The following PLXNC1 variants were observed in gnomAD, a reference collection of about 807,000 sequenced individuals.
PLXNC1 encodes plexin C1.
A neutral mutation model predicts 178.2 loss-of-function variants in PLXNC1; 75 were observed. That is an observed-to-expected ratio of 0.42 (90% confidence interval 0.35 to 0.51). The LOEUF is 0.51. Ranked by LOEUF, PLXNC1 falls within the 20% of genes least tolerant of loss-of-function variation. PLXNC1 has a pLI of 0.02. For missense variants in PLXNC1, 1,503 were observed against 1,984.4 expected (o/e 0.76, Z 4.61); for synonymous variants, 790 against 779.9 (o/e 1.01, Z -0.22).
At chr12:94,180,553 A>G (rs1962268267) in intron 2 of PLXNC1, among the ~76,000 whole-genome samples, 2 of 152,230 alleles carry the variant, frequency 1.3e-5, no homozygotes, top group South Asian at 4.1e-4. Flanking sequence ...CACCCAGAAC[A>G]GTGCTGGGTA....
At chr12:94,245,452 G>A (rs1034995097) in intron 12 of PLXNC1, among the ~76,000 whole-genome samples, 6 of 152,198 alleles carry the variant, frequency 3.9e-5, no homozygotes, top group East Asian at 1.9e-4. Flanking sequence ...AGGCCAAGGC[G>A]GGAAGACTGC....
intron 23 of PLXNC1, among the ~76,000 whole-genome samples, chr12:94,287,034 A>G (rs919974915): frequency 2.0e-5 from 3 of 152,216 alleles, no homozygotes; most frequent in African/African-American, 7.2e-5. Flanking sequence ...GCTTTCCATG[A>G]CAATAACCAT....
At position 94,178,565 on chromosome 12, in the gene PLXNC1, G is replaced by A. The variant is rs545692617; in HGVS notation, c.1204-2881G>A. 3.3e-5 allele frequency among the ~76,000 whole-genome samples: 5 copies of A among 152,266 alleles called. No individual in the cohort carries two copies. The East Asian group carries it at 9.6e-4, about 29-fold the overall frequency. On this transcript the variant is annotated intron_variant, in intron 2 of 30. Coordinates refer to ENST00000258526, the MANE Select transcript of PLXNC1 (RefSeq NM_005761.3). ...TAATACAGCTAATGAATTAGAGACG[G>A]CAAATCCTGGCAAGCCCATACCTTG...
rs1247671846 is a variant in PLXNC1 at position 94,260,600 on chromosome 12, A to G, written c.3252-42A>G. 1 of 1,470,888 alleles carries G rather than the reference A, an allele frequency of 6.8e-7. No individual in the cohort carries two copies. The highest frequency in any genetic ancestry group is 1.4e-5 in the African/African-American group (1 of 71,690). The allele number at this position is 1,470,888 out of a possible 1,614,324, so 91.1% of individuals were successfully genotyped here. A position where few individuals can be genotyped will look rare whatever the true frequency, so the allele number is the denominator to read the frequency against. On this transcript the variant is annotated intron_variant, in intron 19 of 30. Transcript: ENST00000258526. The surrounding 1 kb of genome is among the most constrained non-coding windows in gnomAD (Gnocchi z 4.4). ...TGGAAACTCCCATGGGTGTCCAGCT[A>G]GGCCTGCAGCCAATGGTTCACCCAG...
rs1229595299 is a variant in PLXNC1 at position 94,300,898 on chromosome 12, C to G, written c.4239-12C>G. On this transcript the variant is annotated splice_polypyrimidine_tract_variant and intron_variant, in intron 27 of 30. Transcript: ENST00000258526. ...GCCCTATTTGAAAAGAGATTATTCT[C>G]TCTTTGAACAGCCTTCCTCTTCGCT... The G allele has an allele frequency of 1.9e-6, 3 of 1,607,678 alleles. No individual in the cohort carries two copies. The African/African-American group carries it at 4.0e-5, about 22-fold the overall frequency.
At chr12:94,292,516 A>G (rs1009525216) in intron 23 of PLXNC1, among the ~76,000 whole-genome samples, 2 of 152,214 alleles carry the variant, frequency 1.3e-5, no homozygotes, top group Non-Finnish European at 2.9e-5. Context: ...CAAGCTTTTG[A>G]AAAAATGTCA....
intron 22 of PLXNC1, 175 bp downstream of exon 22, chr12:94,279,824 T>C (rs1239631310): frequency 1.1e-5 from 8 of 712,290 alleles, no homozygotes; most frequent in Admixed American, 8.0e-5. Context: ...TGGTCTCTCA[T>C]GGGCATCCTG....
In PLXNC1 at chr12:94,279,518, A is replaced by T. The variant is rs1966268846; in HGVS notation, c.3644A>T (p.Asp1215Val). 1 of 1,614,102 alleles carries T rather than the reference A, an allele frequency of 6.2e-7. No homozygotes were observed. Among genetic ancestry groups the T allele is most frequent in the Admixed American group, 1.7e-5 (1 of 60,010 alleles). Reference sequence around the variant, plus strand: ...AAAATCCCGGAAAACGAGAGTGCAGATGTCTGTCGGAATATTTCAGTCAAT... The same window carrying T: ...AAAATCCCGGAAAACGAGAGTGCAGTTGTCTGTCGGAATATTTCAGTCAAT... Reference protein sequence around the residue: ...FEKIPENESADVCRNISVNVL... With the variant: ...FEKIPENESAVVCRNISVNVL... Residue 1215 changes from aspartate to valine, a missense_variant, in exon 22 of 31, where the codon GAT (aspartate) becomes GTT (valine). Physicochemically the swap from Asp to Val is radical, Grantham distance 152. This residue lies in a region of PLXNC1 where 639 missense variants were observed against 979.7 expected (regional missense o/e 0.65). Transcript: ENST00000258526.
intron 2 of PLXNC1, among the ~76,000 whole-genome samples, chr12:94,177,193 ATATATACG>A (rs1962111523): frequency 6.0e-5 from 3 of 49,904 alleles, no homozygotes; most frequent in African/African-American, 3.7e-4. Flanking sequence ...ATATGTATAT[ATATATACG>A]TATATATATA....
chr12:94,152,101 C>G (rs938320969), intron 1 of PLXNC1, among the ~76,000 whole-genome samples: 1 of 152,208 alleles, frequency 6.6e-6, no homozygotes, highest in South Asian at 2.1e-4. Flanking sequence ...GTCTGTACCC[C>G]CTGAGCTTGT....
chr12:94,238,660 T>C (rs915234313), intron 10 of PLXNC1, among the ~76,000 whole-genome samples: 1 of 152,218 alleles, frequency 6.6e-6, no homozygotes, highest in African/African-American at 2.4e-5. Context: ...TTTAAGACAA[T>C]CTGCTGAAGC....
rs757771708 is a variant in PLXNC1, at chr12:94,259,322, T to C, written c.3088-15T>C. On this transcript the variant is annotated splice_polypyrimidine_tract_variant and intron_variant, in intron 17 of 30. Coordinates refer to ENST00000258526, the MANE Select transcript of PLXNC1 (RefSeq NM_005761.3). ...TTGGATGTTATGAATAATAAAAGTG[T>C]CTCCTTCCTCTCAGTCAGGTGGCTT... 6.4e-7 allele frequency: 1 copy of C among 1,573,288 alleles called. No homozygotes were observed. The highest frequency in any genetic ancestry group is 1.9e-5 in the Admixed American group (1 of 53,752).
chr12:94,232,175 C>T (rs946435627), intron 9 of PLXNC1, among the ~76,000 whole-genome samples: 5 of 152,138 alleles, frequency 3.3e-5, no homozygotes, highest in Admixed American at 2.6e-4. Flanking sequence ...CAACCTCTGC[C>T]TCCCCAGTTC....
intron 1 of PLXNC1, among the ~76,000 whole-genome samples, chr12:94,157,389 G>A (rs1203392674): frequency 6.6e-6 from 1 of 152,216 alleles, no homozygotes; most frequent in Non-Finnish European, 1.5e-5. Context: ...AGATGATGAA[G>A]ACTGGGAAAC....
chr12:94,280,535 G>C (rs1966361131), intron 22 of PLXNC1, among the ~76,000 whole-genome samples: 1 of 152,200 alleles, frequency 6.6e-6, no homozygotes, highest in African/African-American at 2.4e-5. Context: ...CAAATGTGGG[G>C]CAACTTGGTG....
In PLXNC1 at chr12:94,148,690, G is replaced by A. The variant is rs1210560323; in HGVS notation, c.-282G>A. 1 of 151,320 alleles carries A rather than the reference G, an allele frequency of 6.6e-6. No individual in the cohort carries two copies. Among genetic ancestry groups the A allele is most frequent in the African/African-American group, 2.4e-5 (1 of 41,212 alleles). The allele number at this position is 151,320 out of a possible 1,614,324, so 9.4% of individuals were successfully genotyped here. On this transcript the variant is annotated 5_prime_UTR_variant, in exon 1 of 31. Transcript: ENST00000258526. This position sits in a 1 kb window ranked among gnomAD's most constrained non-coding sequence, Gnocchi z 4.8. The stretch of plus-strand genomic sequence containing the variant: ...CCTCCGCGCCTCCCCGCGAGCGCCA[G>A]CGCTGCACACAGGAACTCTCCGGCG...
At chr12:94,228,631 A>G (rs534311980) in intron 9 of PLXNC1, among the ~76,000 whole-genome samples, 2 of 151,500 alleles carry the variant, frequency 1.3e-5, no homozygotes, top group East Asian at 1.9e-4. Flanking sequence ...GAATTTGACT[A>G]CTCTAGGTAC....
At chr12:94,266,457 C>T (rs139362698) in intron 21 of PLXNC1, among the ~76,000 whole-genome samples, 9 of 152,346 alleles carry the variant, frequency 5.9e-5, no homozygotes, top group Non-Finnish European at 1.3e-4. Flanking sequence ...CTAGCAGAAT[C>T]GCCCAGAAAG....
intron 2 of PLXNC1, among the ~76,000 whole-genome samples, chr12:94,174,724 C>T (rs1409377316): frequency 6.6e-6 from 1 of 152,106 alleles, no homozygotes; most frequent in African/African-American, 2.4e-5. Context: ...GACCTGGGAC[C>T]GGAAGTGGTG....
Sources: allele counts gnomAD v4.1 joint callset (sites outside exome capture counted in the v4.1 genomes callset), GRCh38; gene constraint gnomAD v4.1.1; regional missense constraint gnomAD v4.1.1; non-coding constraint Gnocchi (gnomAD v3.1); transcripts MANE v1.5; gene names NCBI Gene and HGNC (gene_info 2026-07-23, HGNC 2026-07-21).